NALCN: variants seen among roughly 807,000 people sequenced by gnomAD.
NALCN encodes the protein sodium leak channel NALCN.
A neutral mutation model predicts 225.3 loss-of-function variants in NALCN; 111 were observed. The observed-to-expected ratio is 0.49, with a 90% CI of 0.42 to 0.58. The LOEUF (loss-of-function observed/expected upper bound fraction) is 0.58. NALCN is among the 20% of genes least tolerant of loss of function. The pLI is 0.00. For missense variants in NALCN, 1,378 were observed against 2,202.4 expected, an observed-to-expected ratio of 0.63 and a Z score of 7.49; for synonymous variants, 764 against 769.0, an observed-to-expected ratio of 0.99 and a Z score of 0.11.
At chr13:101,064,834 G>C (rs1468081903) in intron 40 of NALCN, among the ~76,000 whole-genome samples, 1 of 152,130 alleles carries the variant, frequency 6.6e-6, no homozygotes, top group African/African-American at 2.4e-5. Context: ...GTAGCCCAAG[G>C]AAACAAATAC....
intron 6 of NALCN, among the ~76,000 whole-genome samples, chr13:101,373,566 T>A (rs1031406470): frequency 6.6e-6 from 1 of 152,146 alleles, no homozygotes; most frequent in Admixed American, 6.6e-5. Context: ...TGGACAAAAT[T>A]TAGCATACAT....
chr13:101,284,028 C>T lies in NALCN; in HGVS notation c.1048-9G>A, dbSNP rs1197515878. 6.2e-7 allele frequency: 1 copy of T among 1,611,296 alleles called. No individual in the cohort carries two copies. The highest frequency in any genetic ancestry group is 2.2e-5 in the East Asian group (1 of 44,818). Reference sequence around the variant, plus strand: ...GCATCTTCATGAAACATCTTCAAGACAAAGAAGGGAGATGAGTCAGAGACA... The same window carrying T: ...GCATCTTCATGAAACATCTTCAAGATAAAGAAGGGAGATGAGTCAGAGACA... On this transcript the variant is annotated splice_polypyrimidine_tract_variant and intron_variant, in intron 9 of 43. Coordinates refer to ENST00000251127, the MANE Select transcript of NALCN (RefSeq NM_052867.4).
intron 7 of NALCN, among the ~76,000 whole-genome samples, chr13:101,294,492 T>C (rs1014643217): frequency 2.0e-5 from 3 of 151,986 alleles, no homozygotes; most frequent in Non-Finnish European, 4.4e-5. Flanking sequence ...AAGAGATTAT[T>C]TTCTCTTATT....
intron 13 of NALCN, among the ~76,000 whole-genome samples, chr13:101,214,692 C>T (rs891324253): frequency 3.3e-5 from 5 of 152,046 alleles, no homozygotes; most frequent in South Asian, 2.1e-4. Flanking sequence ...AGAGAATTTC[C>T]GATCTCTGCT....
chr13:101,278,691 G>A (rs1277105464), intron 10 of NALCN, among the ~76,000 whole-genome samples: 1 of 152,090 alleles, frequency 6.6e-6, no homozygotes, highest in Non-Finnish European at 1.5e-5. Context: ...TCCTGCCAAG[G>A]CTCTGCCACC....
At chr13:101,183,006 C>T (rs1429822229) in intron 14 of NALCN, among the ~76,000 whole-genome samples, 2 of 152,204 alleles carry the variant, frequency 1.3e-5, no homozygotes, top group African/African-American at 4.8e-5. Flanking sequence ...AAGAGCAGGT[C>T]GACCTGGGTG....
chr13:101,328,670 AG>A (rs1379047242), intron 7 of NALCN, among the ~76,000 whole-genome samples: 4 of 152,148 alleles, frequency 2.6e-5, no homozygotes, highest in African/African-American at 9.7e-5. Flanking sequence ...TTATGTATCT[AG>A]TAAAGATAAT....
intron 15 of NALCN, among the ~76,000 whole-genome samples, chr13:101,145,980 C>G (rs901822783): frequency 6.6e-6 from 1 of 152,082 alleles, no homozygotes; most frequent in African/African-American, 2.4e-5. Context: ...GCCAAGAGAG[C>G]TTTTAAAACA....
chr13:101,143,908 G>T (rs1345902429), intron 16 of NALCN, among the ~76,000 whole-genome samples: 1 of 152,152 alleles, frequency 6.6e-6, no homozygotes, highest in African/African-American at 2.4e-5. Flanking sequence ...AAGCAAGTGC[G>T]TTCATCTGAT....
Position 101,089,675 on chromosome 13 carries a change from G to T in NALCN, c.3477C>A (p.Phe1159Leu), listed in dbSNP as rs768836301. 6 of 1,613,770 alleles carry T rather than the reference G, an allele frequency of 3.7e-6. No homozygotes were observed. Among genetic ancestry groups the T allele is most frequent in the Non-Finnish European group, 3.4e-6 (4 of 1,179,908 alleles). ...CAAAAATCCTTACCTTGTTTTCATT[G>T]AAATTAGCAATAACTACTCCAACAA... is the stretch of plus-strand genomic sequence containing the variant. Reference protein sequence around the residue: ...TLFVGVVIANFNENKGTALLT... With the variant: ...TLFVGVVIANLNENKGTALLT... The change falls in exon 30 of 44, where the codon TTC becomes TTA. Residue 1159 changes from phenylalanine (F) to leucine (L), a missense_variant. By Grantham distance (22) the Phe-to-Leu change is conservative. This residue lies in a region of NALCN where 10 missense variants were observed against 61.6 expected (regional missense o/e 0.16). Transcript: ENST00000251127. The surrounding 1 kb of genome is among the most constrained non-coding windows in gnomAD (Gnocchi z 4.7).
chr13:101,097,644 G>A (rs1317027122), intron 27 of NALCN, among the ~76,000 whole-genome samples: 1 of 152,126 alleles, frequency 6.6e-6, no homozygotes, highest in Non-Finnish European at 1.5e-5. Context: ...TCCTCATTAG[G>A]ATATGGGTAA....
chr13:101,283,148 T>C (rs2043222883), intron 10 of NALCN, among the ~76,000 whole-genome samples: 1 of 152,114 alleles, frequency 6.6e-6, no homozygotes, highest in Non-Finnish European at 1.5e-5. Flanking sequence ...AGTGGGCTGC[T>C]TGGAGGGAAA....
intron 3 of NALCN, among the ~76,000 whole-genome samples, chr13:101,385,348 T>C (rs1171081757): frequency 1.3e-5 from 2 of 152,148 alleles, no homozygotes; most frequent in South Asian, 2.1e-4. Context: ...TCAAGACTTC[T>C]CTGATATCCC....
intron 17 of NALCN, among the ~76,000 whole-genome samples, chr13:101,127,958 T>C (rs987786553): frequency 1.3e-5 from 2 of 152,208 alleles, no homozygotes; most frequent in African/African-American, 4.8e-5. Context: ...CTTCTGGCTC[T>C]AGAAGATACT....
chr13:101,168,645 T>A (rs1026517055), intron 15 of NALCN, among the ~76,000 whole-genome samples: 1 of 152,166 alleles, frequency 6.6e-6, no homozygotes, highest in Non-Finnish European at 1.5e-5. Flanking sequence ...CAAGAACGGA[T>A]TCTTCCATCT....
intron 41 of NALCN, among the ~76,000 whole-genome samples, chr13:101,060,465 T>G (rs2031811423): frequency 7.0e-6 from 1 of 142,280 alleles, no homozygotes; most frequent in South Asian, 2.3e-4. Context: ...TTTTTTTTTT[T>G]TTTTTTTCAG....
chr13:101,095,346 T>G (rs1386129080), intron 28 of NALCN, among the ~76,000 whole-genome samples: 1 of 152,212 alleles, frequency 6.6e-6, no homozygotes. Flanking sequence ...TGAGATAATA[T>G]TTCTCTAGTT....
chr13:101,402,837 TCCCAGA>T (rs1427387455), intron 1 of NALCN, among the ~76,000 whole-genome samples: 1 of 152,172 alleles, frequency 6.6e-6, no homozygotes, highest in East Asian at 1.9e-4. Context: ...TCCTCTCATG[TCCCAGA>T]CCCTACTGCT....
intron 43 of NALCN, chr13:101,057,738 T>C: frequency 1.7e-6 from 1 of 579,724 alleles, no homozygotes; most frequent in Non-Finnish European, 3.1e-6. Flanking sequence ...ACCCGGAAAA[T>C]GGGGGCTAAT....
Sources: gnomAD v4.1 joint callset for allele counts (sites outside exome capture counted in the v4.1 genomes callset) on GRCh38, gnomAD v4.1.1 for gene constraint, gnomAD v4.1.1 regional missense constraint, Gnocchi (gnomAD v3.1) non-coding constraint, MANE v1.5 for transcripts, NCBI Gene and HGNC (gene_info 2026-07-23, HGNC 2026-07-21) for gene names.